PRPSAP1: variants seen among roughly 807,000 people sequenced by gnomAD.
The protein encoded by PRPSAP1 is phosphoribosyl pyrophosphate synthase-associated protein 1.
In PRPSAP1, 31 loss-of-function variants were observed where a neutral mutation model predicts 39.4. The ratio of observed to expected loss-of-function variants is 0.79; its 90% CI spans 0.59 to 1.06. The LOEUF (loss-of-function observed/expected upper bound fraction) is 1.06. Ranked by LOEUF, PRPSAP1 falls within the 50% of genes least tolerant of loss-of-function variation. The probability of loss-of-function intolerance (pLI) is 0.00; values close to 1 mark genes in which losing one functional copy is unlikely to be tolerated. For missense variants in PRPSAP1, 430 were observed against 511.6 expected, an observed-to-expected ratio of 0.84 and a Z score of 1.54; for synonymous variants, 212 against 192.6, an observed-to-expected ratio of 1.10 and a Z score of -0.83.
chr17:76,345,190 G>A (rs1000990464), intron 2 of PRPSAP1, among the ~76,000 whole-genome samples: 1 of 135,886 alleles, frequency 7.4e-6, no homozygotes, highest in African/African-American at 2.7e-5. Context: ...AGCCGAGATC[G>A]CGCCACTGCA....
At position 76,328,850 on chromosome 17, in the gene PRPSAP1, A is replaced by G. The variant is rs778972365; in HGVS notation, c.648T>C (p.Tyr216=). 7 of 1,613,942 alleles carry G rather than the reference A, an allele frequency of 4.3e-6. No homozygotes were observed. The East Asian group carries it at 1.1e-4, about 26-fold the overall frequency. Residue 216 remains tyrosine, a synonymous_variant, in exon 7 of 10, where the codon TAT becomes TAC. Coordinates refer to ENST00000446526, the MANE Select transcript of PRPSAP1 (RefSeq NM_002766.3). ...CCAAACCCAGACGCAGTCTCTCCGC[A>G]TAGGACTGGGCCCTAGAAGGACAAA... ...SPDAAKRAQS[Y]AERLRLGLAV...
chr17:76,345,298 C>A (rs1313020787), intron 2 of PRPSAP1, among the ~76,000 whole-genome samples: 2 of 145,374 alleles, frequency 1.4e-5, no homozygotes, highest in African/African-American at 5.1e-5. Flanking sequence ...GAAACCCTGT[C>A]TCTACTAAAA....
chr17:76,324,579 C>G (rs758362887), intron 7 of PRPSAP1, among the ~76,000 whole-genome samples: 94 of 148,104 alleles, frequency 6.3e-4, no homozygotes, highest in Non-Finnish European at 1.0e-3. Context: ...CCAGCCTGGG[C>G]AACAAGAGCG....
intron 3 of PRPSAP1, among the ~76,000 whole-genome samples, chr17:76,342,182 A>G (rs2071447086): frequency 2.0e-5 from 3 of 152,154 alleles, no homozygotes; most frequent in Admixed American, 1.3e-4. Flanking sequence ...TGAGGCTCAC[A>G]GCAGCCTCTA....
intron 8 of PRPSAP1, 163 bp downstream of exon 8, chr17:76,313,658 C>T: frequency 1.5e-6 from 1 of 685,150 alleles, no homozygotes. Context: ...TGTATGTTCA[C>T]CTGGATACAG....
At chr17:76,320,360 A>T (rs1567799261) in intron 7 of PRPSAP1, among the ~76,000 whole-genome samples, 1 of 136,660 alleles carries the variant, frequency 7.3e-6, no homozygotes, top group Non-Finnish European at 1.6e-5. Context: ...AGGAAGAAAA[A>T]GGAAGAAAGG....
At chr17:76,318,404 C>A (rs770358811) in intron 7 of PRPSAP1, among the ~76,000 whole-genome samples, 3 of 152,068 alleles carry the variant, frequency 2.0e-5, no homozygotes, top group Non-Finnish European at 2.9e-5. Context: ...GAGCTGGGAT[C>A]GCACCACTGC....
intron 1 of PRPSAP1, among the ~76,000 whole-genome samples, chr17:76,350,417 C>T (rs1011029705): frequency 4.6e-5 from 7 of 150,626 alleles, no homozygotes; most frequent in South Asian, 4.2e-4. Flanking sequence ...CCAGCCTGTG[C>T]GACAGAGTGA....
Position 76,332,255 on chromosome 17 carries a change from A to G in PRPSAP1, c.463+8T>C. 4 of 1,613,480 alleles carry G rather than the reference A, an allele frequency of 2.5e-6. No individual in the cohort carries two copies. The highest frequency in any genetic ancestry group is 3.4e-6 in the Non-Finnish European group (4 of 1,179,554). Reference sequence around the variant, plus strand: ...TGCTGGAACCCCAGGGCCCCCGCGCACACTCACCTGCTTTCGCCAGCATGG... The same window carrying G: ...TGCTGGAACCCCAGGGCCCCCGCGCGCACTCACCTGCTTTCGCCAGCATGG... On this transcript the variant is annotated splice_region_variant and intron_variant, in intron 4 of 9. Coordinates refer to ENST00000446526, the MANE Select transcript of PRPSAP1 (RefSeq NM_002766.3).
At chr17:76,340,608 C>T (rs1226455872) in intron 3 of PRPSAP1, among the ~76,000 whole-genome samples, 2 of 149,844 alleles carry the variant, frequency 1.3e-5, no homozygotes, top group South Asian at 2.1e-4. Context: ...TAACCATGAA[C>T]GGCCTCGCAC....
rs2071046129 is a variant in PRPSAP1, at chr17:76,309,511, A to T, written c.*2031T>A. On this transcript the variant is annotated 3_prime_UTR_variant, in exon 10 of 10. Transcript: ENST00000446526. ...ACAAGATTCTTCCCAAAAACGTATA[A>T]ATAAAACTTCCTAACAGAAGCACAG... 1 of 152,192 alleles carries T rather than the reference A, an allele frequency of 6.6e-6. No individual in the cohort carries two copies. The allele number at this position is 152,192 out of a possible 1,614,324, so 9.4% of individuals were successfully genotyped here.
At chr17:76,335,087 C>T (rs1271410813) in intron 3 of PRPSAP1, among the ~76,000 whole-genome samples, 1 of 152,136 alleles carries the variant, frequency 6.6e-6, no homozygotes, top group Non-Finnish European at 1.5e-5. Flanking sequence ...TTCCCAGAGA[C>T]TCTTTTGTTT....
At chr17:76,333,342 T>C (rs1278699418) in intron 3 of PRPSAP1, among the ~76,000 whole-genome samples, 2 of 152,120 alleles carry the variant, frequency 1.3e-5, no homozygotes, top group African/African-American at 4.8e-5. Context: ...ACTCCCGACC[T>C]TAGGTGATCC....
In PRPSAP1 at chr17:76,353,820, G is replaced by A. The variant is rs1180178429; in HGVS notation, c.-117C>T. ...CGCTGAGAAACTCGGCGCAAGCGGG[G>A]AGAGCTCCGAGGTCCGTGCCCTTGC... On this transcript the variant is annotated 5_prime_UTR_variant, in exon 1 of 10. Transcript: ENST00000446526. 5.5e-5 allele frequency: 76 copies of A among 1,385,808 alleles called. No homozygotes were observed. The highest frequency in any genetic ancestry group is 6.8e-5 in the Non-Finnish European group (73 of 1,078,354). The allele number at this position is 1,385,808 out of a possible 1,614,324, so 85.8% of individuals were successfully genotyped here. A position where few individuals can be genotyped will look rare whatever the true frequency, so the allele number is the denominator to read the frequency against.
intron 1 of PRPSAP1, 43 bp downstream of exon 1, chr17:76,353,491 A>AGGC (rs2071602942): frequency 1.4e-6 from 2 of 1,456,500 alleles, no homozygotes; most frequent in African/African-American, 1.5e-5. Flanking sequence ...AAGGAGAGCT[A>AGGC]GGCGCCGCCG....
At chr17:76,331,623 T>C (rs1406098537) in intron 4 of PRPSAP1, among the ~76,000 whole-genome samples, 3 of 152,308 alleles carry the variant, frequency 2.0e-5, no homozygotes, top group Non-Finnish European at 2.9e-5. Flanking sequence ...TTTTTGTATC[T>C]GCTGAGGAGC....
chr17:76,333,103 G>A (rs2071342177), intron 3 of PRPSAP1, among the ~76,000 whole-genome samples: 3 of 151,564 alleles, frequency 2.0e-5, no homozygotes, highest in Admixed American at 6.6e-5. Context: ...ATGTTAGCCA[G>A]GATGGTCTTC....
Position 76,320,325 on chromosome 17 carries a change from AAGGGAGG to A in PRPSAP1, c.782-6441_782-6435del, listed in dbSNP as rs2071179089. On this transcript the variant is annotated intron_variant, in intron 7 of 9. Transcript: ENST00000446526. ...AAAGAAAGGAAGGGAGGAAGGGAAG[AAGGGAGG>A]GAGGGAGGGAGGAAGGAAGGAAGAA... Among the ~76,000 whole-genome samples the A allele has an allele frequency of 1.6e-5, 2 of 126,886 alleles. 1 individual carries two copies. The highest frequency in any genetic ancestry group is 3.2e-5 in the Non-Finnish European group (2 of 62,782). 83.2% of individuals were successfully genotyped at this position (126,886 alleles called of 152,430 possible).
At chr17:76,341,344 C>A (rs1298588606) in intron 3 of PRPSAP1, among the ~76,000 whole-genome samples, 1 of 150,574 alleles carries the variant, frequency 6.6e-6, no homozygotes, top group Admixed American at 6.7e-5. Context: ...CTCAAGCAAT[C>A]CTCCCAACTC....
Sources: allele counts gnomAD v4.1 joint callset (sites outside exome capture counted in the v4.1 genomes callset), GRCh38; gene constraint gnomAD v4.1.1; transcripts MANE v1.5; gene names NCBI Gene and HGNC (gene_info 2026-07-23, HGNC 2026-07-21).